Variants in SERBP1 observed in about 807,000 individuals in gnomAD.
SERBP1 encodes the protein SERPINE1 mRNA binding protein 1.
In SERBP1, 6 loss-of-function variants were observed where a neutral mutation model predicts 50.2. The observed-to-expected ratio is 0.12, with a 90% CI of 0.07 to 0.24. The LOEUF is 0.24. SERBP1 is among the 10% of genes least tolerant of loss of function. The pLI is 1.00. For missense variants in SERBP1, 346 were observed against 524.9 expected, an observed-to-expected ratio of 0.66 and a Z score of 3.33; for synonymous variants, 168 against 182.8, an observed-to-expected ratio of 0.92 and a Z score of 0.65.
chr1:67,412,199 G>A lies in SERBP1; in HGVS notation c.*1008C>T, dbSNP rs1666866187. ...TTAGAACAAGGAAGGGTTAAATGGT[G>A]GCTGATTATGGATGTACCATTTTGA... On this transcript the variant is annotated 3_prime_UTR_variant, in exon 8 of 8. Coordinates refer to ENST00000361219, the MANE Select transcript of SERBP1 (RefSeq NM_001018069.2). 1 of 152,652 alleles carries A rather than the reference G, an allele frequency of 6.6e-6. No homozygotes were observed. The highest frequency in any genetic ancestry group is 2.4e-5 in the African/African-American group (1 of 41,456). The allele number at this position is 152,652 out of a possible 1,614,324, so 9.5% of individuals were successfully genotyped here.
intron 4 of SERBP1, 175 bp from the exon 5 acceptor site, chr1:67,424,452 G>T: frequency 2.7e-6 from 2 of 744,966 alleles, no homozygotes; most frequent in Non-Finnish European, 2.1e-6. Context: ...CCCAGAAGAC[G>T]TCGAAAAGTA....
chr1:67,429,946 T>C (rs765224781), intron 1 of SERBP1, 42 bp downstream of exon 1: 87 of 1,532,076 alleles, frequency 5.7e-5, no homozygotes, highest in Middle Eastern at 1.8e-4. Context: ...CCTCGCTCCT[T>C]CCCTCCATCC....
At chr1:67,425,364 T>C (rs1325017177) in intron 2 of SERBP1, 141 bp from the exon 3 acceptor site, 4 of 795,526 alleles carry the variant, frequency 5.0e-6, no homozygotes, top group East Asian at 2.8e-5. Flanking sequence ...AAATTCAAAA[T>C]AGTCTGTTTC....
At chr1:67,414,355 AACC>A (rs2100411510) in intron 7 of SERBP1, among the ~76,000 whole-genome samples, 1 of 115,124 alleles carries the variant, frequency 8.7e-6, no homozygotes, top group East Asian at 2.2e-4. Context: ...CCATCAACAC[AACC>A]ACCACCTTAA....
intron 4 of SERBP1, 121 bp downstream of exon 4, chr1:67,424,767 G>T (rs560287340): frequency 7.9e-6 from 6 of 756,058 alleles, no homozygotes; most frequent in Non-Finnish European, 1.4e-5. Context: ...ACATTATCTT[G>T]TAATATAGTA....
chr1:67,416,478 C>A (rs1020111887), intron 6 of SERBP1, among the ~76,000 whole-genome samples: 2 of 152,200 alleles, frequency 1.3e-5, no homozygotes, highest in African/African-American at 2.4e-5. Context: ...TTTTAATCTT[C>A]TAGTTGAAAA....
intron 5 of SERBP1, among the ~76,000 whole-genome samples, chr1:67,423,362 T>C (rs1667266326): frequency 6.6e-6 from 1 of 151,642 alleles, no homozygotes; most frequent in Non-Finnish European, 1.5e-5. Context: ...ATCCCAGCAC[T>C]TTGGGAGGCC....
intron 6 of SERBP1, 191 bp downstream of exon 6, chr1:67,419,818 T>G: frequency 1.7e-6 from 1 of 578,592 alleles, no homozygotes; most frequent in Non-Finnish European, 3.0e-6. Flanking sequence ...TACAAATTGA[T>G]CAAAGGACTA....
chr1:67,425,979 G>A (rs755002871), intron 2 of SERBP1, among the ~76,000 whole-genome samples, 156 bp downstream of exon 2: 1 of 152,172 alleles, frequency 6.6e-6, no homozygotes. Context: ...CAGTGTGGTG[G>A]CGTGACCTTG....
At position 67,424,277 on chromosome 1, in the gene SERBP1, A is replaced by T. The variant is rs750322780; in HGVS notation, c.696T>A (p.Thr232=). 1 of 1,610,332 alleles carries T rather than the reference A, an allele frequency of 6.2e-7. No individual in the cohort carries two copies. Among genetic ancestry groups the T allele is most frequent in the African/African-American group, 1.3e-5 (1 of 74,928 alleles). The change falls in exon 5 of 8, where the codon ACT becomes ACA. Residue 232 remains threonine, a splice_region_variant and synonymous_variant. Transcript: ENST00000361219. ...CAGTCACATTTGATTGATCCAAGTC[A>T]CTGTAATTATAAGATATTTGTTTCT... ...HNWGTVKDEL[T]DLDQSNVTEE...
chr1:67,426,240 T>A lies in SERBP1; in HGVS notation c.359A>T (p.Glu120Val), dbSNP rs747727529. Residue 120 changes from glutamate (E) to valine (V), a missense_variant, in exon 2 of 8, where the codon GAA becomes GTA. By Grantham distance (121) the Glu-to-Val change is moderately radical (BLOSUM62 -2). This residue lies in a region of SERBP1 where 257 missense variants were observed against 331.2 expected (regional missense o/e 0.78). Coordinates refer to ENST00000361219, the MANE Select transcript of SERBP1 (RefSeq NM_001018069.2). ...GRRPDQQLQG[E>V]GKIIDRRPER... Reference sequence around the variant, plus strand: ...TGGTCTTCTATCAATTATTTTCCCTTCACCCTGAAGTTGTTGATCAGGTCT... The same window carrying A: ...TGGTCTTCTATCAATTATTTTCCCTACACCCTGAAGTTGTTGATCAGGTCT... 1 of 1,608,256 alleles carries A rather than the reference T, an allele frequency of 6.2e-7. No homozygotes were observed. The highest frequency in any genetic ancestry group is 8.5e-7 in the Non-Finnish European group (1 of 1,177,384).
intron 5 of SERBP1, among the ~76,000 whole-genome samples, chr1:67,423,167 C>T (rs1667257263): frequency 6.7e-6 from 1 of 148,792 alleles, no homozygotes; most frequent in Non-Finnish European, 1.5e-5. Context: ...GGCATGGTGG[C>T]GGGTGCCTGT....
In SERBP1 at chr1:67,415,175, C is replaced by A; in HGVS notation, c.1116G>T (p.Arg372Ser). Residue 372 changes from arginine to serine, a missense_variant, in exon 7 of 8, where the codon AGG becomes AGT. Arg to Ser is a moderately radical substitution (Grantham distance 110). This residue lies in a region of SERBP1 where 68 missense variants were observed against 97.3 expected (regional missense o/e 0.70). Coordinates refer to ENST00000361219, the MANE Select transcript of SERBP1 (RefSeq NM_001018069.2). ...GAAAGTCTTAAATTACCTTGTCGGT[C>A]CTGCTGCCACGGTTTGGGCGCCCAC... The part of the protein sequence containing the change: ...GRGGRPNRGS[R>S]TDKSSASAPD... The A allele has an allele frequency of 6.3e-7, 1 of 1,591,196 alleles. No homozygotes were observed. Among genetic ancestry groups the A allele is most frequent in the Non-Finnish European group, 8.5e-7 (1 of 1,171,430 alleles).
At chr1:67,429,780 G>C in intron 1 of SERBP1, 1 of 556,278 alleles carries the variant, frequency 1.8e-6, no homozygotes, top group Non-Finnish European at 3.1e-6. Flanking sequence ...GGATGGCTCC[G>C]AGAACCTCGC....
Position 67,424,963 on chromosome 1 carries a change from T to G in SERBP1, c.620A>C (p.Tyr207Ser). 6.2e-7 allele frequency: 1 copy of G among 1,613,066 alleles called. No homozygotes were observed. Among genetic ancestry groups the G allele is most frequent in the Non-Finnish European group, 8.5e-7 (1 of 1,179,842 alleles). ...TTTGTCCTCGTGCTTCAGGCCACTG[T>G]AATGTGAAAAAGAACTAACAAAACT... ...SGSDRSSFSH[Y>S]SGLKHEDKRG... Residue 207 changes from tyrosine (Y) to serine (S), a missense_variant, in exon 4 of 8, where the codon TAC becomes TCC. Around this residue, in one of 5 missense-constraint regions of SERBP1, gnomAD observed 257 missense variants for 331.2 expected, o/e 0.78. Transcript: ENST00000361219.
rs770127512 is a variant in SERBP1, at chr1:67,415,265, G to T, written c.1026C>A (p.Ile342=). The T allele has an allele frequency of 1.2e-6, 2 of 1,612,732 alleles. No individual in the cohort carries two copies. Among genetic ancestry groups the T allele is most frequent in the Non-Finnish European group, 8.5e-7 (1 of 1,179,374 alleles). Reference sequence around the variant, plus strand: ...CTGGGCGGCCAAGGTCTCCAAAATTGATCTCCAGCTGAGACGTTATATCAT... The same window carrying T: ...CTGGGCGGCCAAGGTCTCCAAAATTTATCTCCAGCTGAGACGTTATATCAT... ...PANDITSQLE[I]NFGDLGRPGR... The change falls in exon 7 of 8, where the codon ATC becomes ATA. Residue 342 remains isoleucine (I), a synonymous_variant. Transcript: ENST00000361219.
chr1:67,424,378 GTTC>G, intron 4 of SERBP1, 101 bp from the exon 5 acceptor site: 1 of 1,475,218 alleles, frequency 6.8e-7, no homozygotes, highest in Non-Finnish European at 9.1e-7. Context: ...TAGCTGAAAA[GTTC>G]TTCATACAAA....
At chr1:67,420,807 A>T (rs1223094680) in intron 5 of SERBP1, among the ~76,000 whole-genome samples, 3 of 152,222 alleles carry the variant, frequency 2.0e-5, no homozygotes, top group Non-Finnish European at 1.5e-5. Context: ...TTCACTACTA[A>T]TAGAACTATC....
At position 67,409,669 on chromosome 1, in the gene SERBP1, C is replaced by G. The variant is rs1187215814; in HGVS notation, c.*3538G>C. The G allele has an allele frequency of 6.6e-6, 1 of 152,150 alleles. No homozygotes were observed. The highest frequency in any genetic ancestry group is 1.5e-5 in the Non-Finnish European group (1 of 68,018). The allele number at this position is 152,150 out of a possible 1,614,324, so 9.4% of individuals were successfully genotyped here. ...TGAAAGATTTATTTCAATCACTTCA[C>G]ATAACCTCCAAATTTGAACTTAAAA... On this transcript the variant is annotated 3_prime_UTR_variant, in exon 8 of 8. Transcript: ENST00000361219.
Sources: gnomAD v4.1 joint callset for allele counts (sites outside exome capture counted in the v4.1 genomes callset) on GRCh38, gnomAD v4.1.1 for gene constraint, gnomAD v4.1.1 regional missense constraint, MANE v1.5 for transcripts, NCBI Gene and HGNC (gene_info 2026-07-23, HGNC 2026-07-21) for gene names.